Variants in SGCZ observed in about 807,000 individuals in gnomAD.
SGCZ encodes the protein sarcoglycan zeta.
In SGCZ, 40 loss-of-function variants were observed where a neutral mutation model predicts 41.3. The ratio of observed to expected loss-of-function variants is 0.97; its 90% CI spans 0.75 to 1.26. The LOEUF is 1.26. Among genes scored for constraint, SGCZ ranks in the 50% most tolerant of loss-of-function variants. The pLI is 0.00. For synonymous variants in SGCZ, 206 were observed against 137.5 expected, an observed-to-expected ratio of 1.50 and a Z score of -3.49; for missense variants, 552 against 369.8, an observed-to-expected ratio of 1.49 and a Z score of -4.04.
At chr8:15,017,157 T>A (rs1432404524) in intron 1 of SGCZ, among the ~76,000 whole-genome samples, 1 of 152,236 alleles carries the variant, frequency 6.6e-6, no homozygotes, top group Non-Finnish European at 1.5e-5. Flanking sequence ...GCTTTAAAAC[T>A]TTAGTTACTT....
chr8:15,099,131 A>G (rs960042705), intron 1 of SGCZ, among the ~76,000 whole-genome samples: 2 of 152,212 alleles, frequency 1.3e-5, no homozygotes, highest in African/African-American at 4.8e-5. Flanking sequence ...TCAAATTGTT[A>G]TTGTGTAGAG....
chr8:14,530,831 G>T (rs1166494632), intron 2 of SGCZ, among the ~76,000 whole-genome samples: 2 of 152,044 alleles, frequency 1.3e-5, no homozygotes, highest in Non-Finnish European at 2.9e-5. Flanking sequence ...AAAAAAGAAT[G>T]ATTTTTAATA....
intron 3 of SGCZ, among the ~76,000 whole-genome samples, chr8:14,300,669 G>A (rs969183193): frequency 2.0e-5 from 3 of 151,946 alleles, no homozygotes; most frequent in East Asian, 1.9e-4. Flanking sequence ...AATGGTGGTC[G>A]TATGAGATCA....
chr8:14,948,726 G>A (rs1238334917), intron 1 of SGCZ, among the ~76,000 whole-genome samples: 3 of 152,116 alleles, frequency 2.0e-5, no homozygotes, highest in African/African-American at 7.2e-5. Flanking sequence ...CATTTCACAA[G>A]ACTAAGCCTT....
chr8:14,501,281 T>C (rs1371120084), intron 2 of SGCZ, among the ~76,000 whole-genome samples: 2 of 151,944 alleles, frequency 1.3e-5, no homozygotes, highest in African/African-American at 2.4e-5. Context: ...ACGGTAATCA[T>C]CTTCTCTAAA....
chr8:14,968,441 A>T (rs1034598631), intron 1 of SGCZ, among the ~76,000 whole-genome samples: 1 of 152,160 alleles, frequency 6.6e-6, no homozygotes, highest in Non-Finnish European at 1.5e-5. Flanking sequence ...CAAACGGATC[A>T]ACTTTGTTAA....
Position 15,233,329 on chromosome 8 carries a change from CAA to C in SGCZ, c.39+4254_39+4255del, listed in dbSNP as rs967747755. 8.7e-3 allele frequency among the ~76,000 whole-genome samples: 572 copies of C among 65,658 alleles called. 1 individual carries two copies. The highest frequency in any genetic ancestry group is 0.029 in the African/African-American group (538 of 18,762). 43.1% of individuals were successfully genotyped at this position (65,658 alleles called of 152,430 possible). A position where few individuals can be genotyped will look rare whatever the true frequency, so the allele number is the denominator to read the frequency against. ...TGAGTGTCTTATTGATTAAACAAAC[CAA>C]AAAAAAAAAAAAAAGAAAGAAAGAA... On this transcript the variant is annotated intron_variant, in intron 1 of 7. Transcript: ENST00000382080.
rs192165244 is a variant in SGCZ at position 14,361,632 on chromosome 8, G to C, written c.235-37428C>G. Among the ~76,000 whole-genome samples the C allele has an allele frequency of 1.2e-3, 189 of 152,180 alleles. 2 individuals are homozygous for C. The East Asian group carries it at 0.032, about 26-fold the overall frequency. ...CTTGCGATGGGTTAGAACATGCTCC[G>C]TTAGCTCAGAGAAGTTTGTTATTAC... On this transcript the variant is annotated intron_variant, in intron 2 of 7. Coordinates refer to ENST00000382080, the MANE Select transcript of SGCZ (RefSeq NM_139167.4).
intron 5 of SGCZ, among the ~76,000 whole-genome samples, chr8:14,150,894 T>C (rs1172510278): frequency 6.6e-6 from 1 of 152,046 alleles, no homozygotes. Flanking sequence ...GAACTGGAGA[T>C]CACTGTGTTA....
intron 1 of SGCZ, among the ~76,000 whole-genome samples, chr8:14,661,887 C>G (rs1290211500): frequency 6.6e-6 from 1 of 151,198 alleles, no homozygotes; most frequent in Non-Finnish European, 1.5e-5. Context: ...TGGCTTGTCC[C>G]CAGAGACAAT....
At chr8:15,043,530 T>C (rs879679944) in intron 1 of SGCZ, among the ~76,000 whole-genome samples, 14 of 152,110 alleles carry the variant, frequency 9.2e-5, no homozygotes, top group Non-Finnish European at 1.8e-4. Context: ...AGATAGTGCA[T>C]GCTACTTTCC....
At chr8:14,486,742 T>C (rs1396558704) in intron 2 of SGCZ, among the ~76,000 whole-genome samples, 1 of 152,122 alleles carries the variant, frequency 6.6e-6, no homozygotes, top group East Asian at 1.9e-4. Flanking sequence ...CCAGCTAATT[T>C]ACTCCTGGGC....
chr8:14,321,612 A>G (rs557024879), intron 3 of SGCZ, among the ~76,000 whole-genome samples: 47 of 152,136 alleles, frequency 3.1e-4, no homozygotes, highest in Non-Finnish European at 4.9e-4. Context: ...GAGCAACAGC[A>G]TGGCATTAAT....
At chr8:15,120,302 T>C (rs984679108) in intron 1 of SGCZ, among the ~76,000 whole-genome samples, 1 of 152,264 alleles carries the variant, frequency 6.6e-6, no homozygotes, top group Admixed American at 6.5e-5. Context: ...AAATTTCATG[T>C]AATCATAATT....
chr8:14,420,343 T>C (rs896314213), intron 2 of SGCZ, among the ~76,000 whole-genome samples: 2 of 152,096 alleles, frequency 1.3e-5, no homozygotes, highest in Non-Finnish European at 2.9e-5. Context: ...TCACTAATTA[T>C]TGCTATTCAC....
chr8:14,603,242 C>T (rs1805649552), intron 1 of SGCZ, among the ~76,000 whole-genome samples: 1 of 152,230 alleles, frequency 6.6e-6, no homozygotes, highest in South Asian at 2.1e-4. Context: ...ATTAAAGTCA[C>T]TCAGCAACGT....
At position 15,162,977 on chromosome 8, in the gene SGCZ, A is replaced by G. The variant is rs546787460; in HGVS notation, c.39+74608T>C. Among the ~76,000 whole-genome samples the G allele has an allele frequency of 8.5e-5, 13 of 152,314 alleles. No individual in the cohort carries two copies. The South Asian group carries it at 2.5e-3, about 29-fold the overall frequency. ...GTAGGCAGCAGTAAATTTGCATAAA[A>G]TGTCTTGTGTCTTAAAACCTTCAAA... is the stretch of plus-strand genomic sequence containing the variant. On this transcript the variant is annotated intron_variant, in intron 1 of 7. Transcript: ENST00000382080.
intron 2 of SGCZ, among the ~76,000 whole-genome samples, chr8:14,325,802 A>C (rs1802083808): frequency 2.9e-5 from 4 of 139,782 alleles, no homozygotes; most frequent in Non-Finnish European, 3.1e-5. Flanking sequence ...ATCAACCAGC[A>C]CATCCACAGA....
At chr8:14,919,718 G>C (rs1056932511) in intron 1 of SGCZ, among the ~76,000 whole-genome samples, 4 of 152,054 alleles carry the variant, frequency 2.6e-5, no homozygotes, top group African/African-American at 4.8e-5. Context: ...AGGAGTTTGA[G>C]ACCAAACTGG....
Sources: gnomAD v4.1 joint callset for allele counts (sites outside exome capture counted in the v4.1 genomes callset) on GRCh38, gnomAD v4.1.1 for gene constraint, MANE v1.5 for transcripts, NCBI Gene and HGNC (gene_info 2026-07-23, HGNC 2026-07-21) for gene names.